STK40: variants seen among roughly 807,000 people sequenced by gnomAD.
STK40 encodes the protein serine/threonine-protein kinase 40.
A neutral mutation model predicts 47.9 loss-of-function variants in STK40; 13 were observed. The observed-to-expected ratio is 0.27, with a 90% CI of 0.18 to 0.43. The LOEUF (loss-of-function observed/expected upper bound fraction) is 0.43, where lower values mean the gene tolerates loss of function less well. STK40 is among the 20% of genes least tolerant of loss of function. The pLI, the probability that STK40 is intolerant of heterozygous loss-of-function variation, is 1.00. For missense variants in STK40, 460 were observed against 595.1 expected (o/e 0.77, Z 2.36); for synonymous variants, 225 against 243.2 (o/e 0.93, Z 0.69).
intron 4 of STK40, among the ~76,000 whole-genome samples, chr1:36,355,868 C>T (rs1035011001): frequency 2.0e-5 from 3 of 152,298 alleles, no homozygotes; most frequent in African/African-American, 4.8e-5. Flanking sequence ...TCAATCTTGG[C>T]AGGCTCCAGA....
chr1:36,365,139 T>G (rs1187721313), intron 1 of STK40, among the ~76,000 whole-genome samples: 2 of 152,124 alleles, frequency 1.3e-5, no homozygotes, highest in African/African-American at 4.8e-5. Flanking sequence ...TACAGGCATG[T>G]GCCACCACAC....
At chr1:36,367,755 G>GAC in intron 1 of STK40, 1 of 963,246 alleles carries the variant, frequency 1.0e-6, no homozygotes, top group Non-Finnish European at 1.2e-6. Context: ...CAAAGGAGCT[G>GAC]AAGCCTGGCC....
intron 1 of STK40, among the ~76,000 whole-genome samples, chr1:36,370,484 C>T (rs1434721757): frequency 1.3e-5 from 2 of 152,188 alleles, no homozygotes; most frequent in Non-Finnish European, 2.9e-5. Flanking sequence ...ATGCATTTAT[C>T]TGACTACACC....
chr1:36,354,562 C>A (rs1285760622), intron 5 of STK40, 146 bp from the exon 6 acceptor site: 1 of 794,096 alleles, frequency 1.3e-6, no homozygotes, highest in Non-Finnish European at 2.1e-6. Context: ...ACAGGCAGAT[C>A]AGGACAGTTC....
intron 7 of STK40, 132 bp downstream of exon 7, chr1:36,348,568 A>G: frequency 1.4e-6 from 1 of 711,922 alleles, no homozygotes; most frequent in Non-Finnish European, 2.5e-6. Context: ...ATGGGGAGGG[A>G]CAGTACTGGT....
intron 1 of STK40, among the ~76,000 whole-genome samples, chr1:36,367,012 T>G (rs1303565692): frequency 6.6e-6 from 1 of 151,172 alleles, no homozygotes; most frequent in Non-Finnish European, 1.5e-5. Flanking sequence ...TTTTTTTTTT[T>G]TTTTTTTGTA....
chr1:36,356,025 G>A (rs191669487), intron 4 of STK40, among the ~76,000 whole-genome samples: 2 of 152,270 alleles, frequency 1.3e-5, no homozygotes, highest in Admixed American at 1.3e-4. Flanking sequence ...CAGACTGCTG[G>A]GTTCAGGCCC....
At chr1:36,343,259 ACT>A (rs1222238580) in intron 10 of STK40, 103 bp downstream of exon 10, 4 of 1,261,400 alleles carry the variant, frequency 3.2e-6, no homozygotes, top group Admixed American at 2.0e-5. Context: ...GACCAAGGAA[ACT>A]CTGTGGCCTG....
intron 1 of STK40, chr1:36,362,682 T>C (rs896898630): frequency 2.0e-5 from 3 of 152,194 alleles, no homozygotes; most frequent in African/African-American, 7.2e-5. Flanking sequence ...AAAATACGCA[T>C]GTGCAAAAAT....
At chr1:36,343,587 T>C (rs562274352) in intron 9 of STK40, 139 bp from the exon 10 acceptor site, 17 of 999,082 alleles carry the variant, frequency 1.7e-5, no homozygotes, top group African/African-American at 1.1e-4. Flanking sequence ...TCTTATCCCA[T>C]AAAGGGGGAC....
In STK40 at chr1:36,385,710, C is replaced by T. The variant is rs1042786665; in HGVS notation, c.-9+13G>A. On this transcript the variant is annotated intron_variant, in intron 1 of 10. Transcript: ENST00000373132. ...CCCCACCCGGCTCCCCGCTCCTGGA[C>T]CCCTGCCCTCACCTTCGCCGGGTGG... 1 of 153,624 alleles carries T rather than the reference C, an allele frequency of 6.5e-6. No individual in the cohort carries two copies. The allele number at this position is 153,624 out of a possible 1,614,324, so 9.5% of individuals were successfully genotyped here. A position where few individuals can be genotyped will look rare whatever the true frequency, so the allele number is the denominator to read the frequency against.
chr1:36,381,149 C>T (rs1647036497), intron 1 of STK40, among the ~76,000 whole-genome samples: 1 of 152,166 alleles, frequency 6.6e-6, no homozygotes, highest in Non-Finnish European at 1.5e-5. Context: ...TCAGCCCTTG[C>T]TGGGATTACT....
intron 1 of STK40, among the ~76,000 whole-genome samples, chr1:36,363,578 G>T (rs1244450489): frequency 6.6e-6 from 1 of 151,672 alleles, no homozygotes; most frequent in Non-Finnish European, 1.5e-5. Flanking sequence ...AGGCCGAAGC[G>T]GGCGGATCAC....
chr1:36,345,987 ATATATTTT>A (rs1260803011), intron 7 of STK40, among the ~76,000 whole-genome samples: 4 of 17,268 alleles, frequency 2.3e-4, no homozygotes, highest in Non-Finnish European at 4.6e-4. Flanking sequence ...ATATATATAT[ATATATTTT>A]TTTTTTTTTT....
rs761725413 is a variant in STK40 at position 36,355,368 on chromosome 1, G to A, written c.408C>T (p.Arg136=). Residue 136 remains arginine, a synonymous_variant, in exon 5 of 11, where the codon CGC becomes CGT. Transcript: ENST00000373132. ...AGAGGCAGTCCAGGACGAGGCAGATGCGCTTCTTCATCTTCTTAACCATCC... is the reference window on the plus strand; with the variant it reads ...AGAGGCAGTCCAGGACGAGGCAGATACGCTTCTTCATCTTCTTAACCATCC... The part of the protein sequence containing the change: ...SSRMVKKMKK[R]ICLVLDCLCA... 5.0e-6 allele frequency: 8 copies of A among 1,614,100 alleles called. No individual in the cohort carries two copies. The South Asian group carries it at 7.7e-5, about 16-fold the overall frequency.
intron 2 of STK40, among the ~76,000 whole-genome samples, chr1:36,360,013 C>A (rs1404824375): frequency 6.6e-6 from 1 of 152,220 alleles, no homozygotes; most frequent in African/African-American, 2.4e-5. Flanking sequence ...CTTGCCTGCC[C>A]TACCTACGGG....
rs1300277409 is a variant in STK40 at position 36,348,711 on chromosome 1, T to C, written c.728A>G (p.Asp243Gly). ...QRGSPAYISPDVLSGRPYRGK... is the reference protein window; with the variant it reads ...QRGSPAYISPGVLSGRPYRGK... ...GCACACACACGTACCGCTGAGCACG[T>C]CGGGACTGATGTAGGCAGGGCTCCC... is the stretch of plus-strand genomic sequence containing the variant. Residue 243 changes from aspartate to glycine, a missense_variant, in exon 7 of 11, where the codon GAC becomes GGC. Physicochemically the swap from Asp to Gly is moderately conservative, Grantham distance 94 (BLOSUM62 -1). Coordinates refer to ENST00000373132, the MANE Select transcript of STK40 (RefSeq NM_001282547.2). 15 of 1,607,860 alleles carry C rather than the reference T, an allele frequency of 9.3e-6. No individual in the cohort carries two copies. Among genetic ancestry groups the C allele is most frequent in the African/African-American group, 1.3e-5 (1 of 74,698 alleles).
chr1:36,355,008 C>G (rs954822583), intron 5 of STK40, among the ~76,000 whole-genome samples, 198 bp downstream of exon 5: 2 of 152,160 alleles, frequency 1.3e-5, no homozygotes, highest in Non-Finnish European at 2.9e-5. Flanking sequence ...GGCTGCAGGT[C>G]AGCCCTCACC....
Position 36,343,989 on chromosome 1 carries a change from G to C in STK40, c.885-10C>G. The C allele has an allele frequency of 6.3e-7, 1 of 1,599,608 alleles. No homozygotes were observed. ...AGAAACCCGTCCATCCCTGAGGCAG[G>C]GAGTTGGGGAGGAGGGCTCAGTGGG... On this transcript the variant is annotated splice_polypyrimidine_tract_variant and intron_variant, in intron 8 of 10. Coordinates refer to ENST00000373132, the MANE Select transcript of STK40 (RefSeq NM_001282547.2).
Sources: gnomAD v4.1 joint callset for allele counts (sites outside exome capture counted in the v4.1 genomes callset) on GRCh38, gnomAD v4.1.1 for gene constraint, MANE v1.5 for transcripts, NCBI Gene and HGNC (gene_info 2026-07-23, HGNC 2026-07-21) for gene names.